CREB5: variants seen among roughly 807,000 people sequenced by gnomAD.
The protein encoded by CREB5 is cAMP responsive element binding protein 5, also known as cyclic AMP-responsive element-binding protein 5.
In CREB5, 19 loss-of-function variants were observed where a neutral mutation model predicts 57.1. The ratio of observed to expected loss-of-function variants is 0.33; its 90% CI spans 0.23 to 0.49. CREB5 has a LOEUF of 0.49. CREB5 is among the 20% of genes least tolerant of loss of function. CREB5 has a pLI of 0.99. For missense variants in CREB5, 579 were observed against 671.6 expected, an observed-to-expected ratio of 0.86 and a Z score of 1.52; for synonymous variants, 238 against 238.3, an observed-to-expected ratio of 1.00 and a Z score of 0.01.
Position 28,804,354 on chromosome 7 carries a change from C to A in CREB5, c.858C>A (p.Pro286=), listed in dbSNP as rs533035152. ...CGCATCAGCACCAGACACTGCCACC[C>A]CATCACCCTTACCCACACCAGCACC... ...SHPHQHQTLP[P]HHPYPHQHQH... The change falls in exon 8 of 11, where the codon CCC becomes CCA. Residue 286 remains proline (P), a synonymous_variant. Transcript: ENST00000357727. 14 of 1,613,690 alleles carry A rather than the reference C, an allele frequency of 8.7e-6. No individual in the cohort carries two copies. In the South Asian group the frequency reaches 1.2e-4, roughly 14 times the overall value.
At chr7:28,733,861 C>A (rs1803810672) in intron 7 of CREB5, among the ~76,000 whole-genome samples, 1 of 152,180 alleles carries the variant, frequency 6.6e-6, no homozygotes, top group Non-Finnish European at 1.5e-5. Flanking sequence ...TTTAATATGT[C>A]ATCCCACACT....
intron 5 of CREB5, among the ~76,000 whole-genome samples, chr7:28,651,057 T>TA (rs1289361299): frequency 1.3e-5 from 2 of 152,298 alleles, no homozygotes; most frequent in East Asian, 3.9e-4. Flanking sequence ...ATAAAGACAG[T>TA]TCATTGCTAG....
chr7:28,775,543 C>T (rs1047373800), intron 7 of CREB5, among the ~76,000 whole-genome samples: 7 of 120,692 alleles, frequency 5.8e-5, no homozygotes, highest in East Asian at 4.1e-4. Flanking sequence ...ATTCCTTAGC[C>T]ATATATATAT....
intron 5 of CREB5, among the ~76,000 whole-genome samples, chr7:28,625,992 C>T (rs1156905850): frequency 6.6e-6 from 1 of 152,218 alleles, no homozygotes; most frequent in Non-Finnish European, 1.5e-5. Flanking sequence ...TAATTTCTTA[C>T]ACCCTCTGGG....
chr7:28,767,796 C>T (rs1160075222), intron 7 of CREB5, among the ~76,000 whole-genome samples: 2 of 152,222 alleles, frequency 1.3e-5, no homozygotes, highest in African/African-American at 4.8e-5. Flanking sequence ...ACAAAAGCAG[C>T]TCATTTTGCC....
At chr7:28,689,261 G>A (rs1278212134) in intron 5 of CREB5, among the ~76,000 whole-genome samples, 1 of 152,096 alleles carries the variant, frequency 6.6e-6, no homozygotes, top group African/African-American at 2.4e-5. Context: ...TGGGTCAGGA[G>A]ATCGAGACCA....
chr7:28,465,130 T>A (rs570380116), intron 1 of CREB5, among the ~76,000 whole-genome samples: 1 of 152,284 alleles, frequency 6.6e-6, no homozygotes, highest in South Asian at 2.1e-4. Flanking sequence ...GGGAGGGATA[T>A]CAGGACTCCT....
chr7:28,610,510 G>C (rs1797341746), intron 5 of CREB5, among the ~76,000 whole-genome samples: 1 of 152,134 alleles, frequency 6.6e-6, no homozygotes, highest in African/African-American at 2.4e-5. Flanking sequence ...CCTAAACAGA[G>C]GGACCTAAAT....
At chr7:28,505,042 A>G (rs943971068) in intron 3 of CREB5, among the ~76,000 whole-genome samples, 4 of 152,184 alleles carry the variant, frequency 2.6e-5, no homozygotes, top group African/African-American at 9.7e-5. Context: ...TGAATTAGGA[A>G]TTACCCCATC....
intron 5 of CREB5, among the ~76,000 whole-genome samples, chr7:28,659,350 A>G (rs1799498471): frequency 1.3e-5 from 2 of 152,174 alleles, no homozygotes; most frequent in Non-Finnish European, 2.9e-5. Flanking sequence ...ACTGAGCTTT[A>G]AAAGAGGCAA....
intron 1 of CREB5, among the ~76,000 whole-genome samples, chr7:28,406,698 GCTGCTCTCAGCAA>G (rs1167428922): frequency 3.0e-4 from 46 of 152,346 alleles, no homozygotes; most frequent in African/African-American, 9.4e-4. Flanking sequence ...CTCTTGCATA[GCTGCTCTCAGCAA>G]CTGCAGCCTC....
In CREB5 at chr7:28,758,728, T is replaced by C. The variant is rs112229924; in HGVS notation, c.702+34396T>C. Among the ~76,000 whole-genome samples the C allele has an allele frequency of 9.3e-3, 1,412 of 152,320 alleles. 21 individuals are homozygous for C. The highest frequency in any genetic ancestry group is 0.054 in the South Asian group (261 of 4,828). On this transcript the variant is annotated intron_variant, in intron 7 of 10. Coordinates refer to ENST00000357727, the MANE Select transcript of CREB5 (RefSeq NM_182898.4). ...TCACTTTAACATGAGAGATTTTACT[T>C]TAGTTTATTTATATGCTAGCCAAAA...
intron 5 of CREB5, among the ~76,000 whole-genome samples, chr7:28,591,466 G>T (rs79317757): frequency 6.6e-6 from 1 of 152,030 alleles, no homozygotes; most frequent in Non-Finnish European, 1.5e-5. Flanking sequence ...TTGTAGATTT[G>T]CTATGTCCTG....
In CREB5 at chr7:28,584,329, G is replaced by A. The variant is rs536589016; in HGVS notation, c.464+13792G>A. Among the ~76,000 whole-genome samples the A allele has an allele frequency of 1.1e-4, 17 of 152,250 alleles. No homozygotes were observed. The East Asian group carries it at 2.3e-3, about 21-fold the overall frequency. On this transcript the variant is annotated intron_variant, in intron 5 of 10. Transcript: ENST00000357727. ...TGAAGTCCTAACCCCTGGCCCCTGC[G>A]GATGGGACCTGATTTGGAAATAGGG...
intron 1 of CREB5, among the ~76,000 whole-genome samples, chr7:28,457,726 T>C (rs1456558003): frequency 6.6e-6 from 1 of 152,102 alleles, no homozygotes; most frequent in African/African-American, 2.4e-5. Flanking sequence ...TTGGATATGA[T>C]CTCGTCAGTT....
chr7:28,679,704 G>A (rs1427638913), intron 5 of CREB5, among the ~76,000 whole-genome samples: 8 of 152,238 alleles, frequency 5.3e-5, no homozygotes, highest in East Asian at 3.9e-4. Flanking sequence ...TTCCAGGGCC[G>A]GTAACAGTGC....
intron 4 of CREB5, among the ~76,000 whole-genome samples, chr7:28,554,878 A>G (rs1025792579): frequency 6.6e-6 from 1 of 152,208 alleles, no homozygotes; most frequent in African/African-American, 2.4e-5. Flanking sequence ...ACTTGGGGAG[A>G]GCTTGAATAC....
intron 3 of CREB5, 108 bp from the exon 4 acceptor site, chr7:28,507,507 TG>T: frequency 1.5e-6 from 2 of 1,308,150 alleles, no homozygotes; most frequent in South Asian, 1.7e-5. Context: ...GGATGGCTAG[TG>T]GACATTTTAA....
chr7:28,563,523 A>G (rs1243176626), intron 4 of CREB5, among the ~76,000 whole-genome samples: 1 of 152,152 alleles, frequency 6.6e-6, no homozygotes, highest in African/African-American at 2.4e-5. Flanking sequence ...AAAAAGCAAA[A>G]TGAATGAATG....
Sources: allele counts gnomAD v4.1 joint callset (sites outside exome capture counted in the v4.1 genomes callset), GRCh38; gene constraint gnomAD v4.1.1; transcripts MANE v1.5; gene names NCBI Gene and HGNC (gene_info 2026-07-23, HGNC 2026-07-21).